The following LRRC58 variants were observed in gnomAD, a reference collection of about 807,000 sequenced individuals.
The protein encoded by LRRC58 is leucine-rich repeat-containing protein 58.
In LRRC58, 18 loss-of-function variants were observed where a neutral mutation model predicts 30.6. The observed-to-expected ratio is 0.59, with a 90% CI of 0.41 to 0.87. The LOEUF (loss-of-function observed/expected upper bound fraction) is 0.87. Among genes scored for constraint, LRRC58 ranks in the 40% least tolerant of loss-of-function variants. The pLI, the probability that LRRC58 is intolerant of heterozygous loss-of-function variation, is 0.00. For missense variants in LRRC58, 420 were observed against 468.4 expected (o/e 0.90, Z 0.95); for synonymous variants, 221 against 206.0 (o/e 1.07, Z -0.62).
intron 1 of LRRC58, among the ~76,000 whole-genome samples, chr3:120,346,724 C>G (rs560131559): frequency 6.6e-6 from 1 of 152,276 alleles, no homozygotes; most frequent in South Asian, 2.1e-4. Flanking sequence ...TTCTCGAAAT[C>G]TTCCATTTCT....
intron 3 of LRRC58, among the ~76,000 whole-genome samples, chr3:120,334,487 A>G (rs958938630): frequency 2.6e-5 from 4 of 151,412 alleles, no homozygotes; most frequent in African/African-American, 7.3e-5. Flanking sequence ...CAGCCTGGGC[A>G]ACAGAGCAAG....
At chr3:120,331,557 T>A (rs994524705) in intron 3 of LRRC58, 149 bp from the exon 4 acceptor site, 2 of 670,748 alleles carry the variant, frequency 3.0e-6, no homozygotes, top group Non-Finnish European at 5.2e-6. Context: ...TATAGCTGTC[T>A]ATAAGCCTAC....
chr3:120,346,194 T>C (rs1185914638), intron 1 of LRRC58, among the ~76,000 whole-genome samples: 2 of 152,000 alleles, frequency 1.3e-5, no homozygotes, highest in African/African-American at 2.4e-5. Context: ...GAGGCGGAGA[T>C]TGCAGTGAGC....
At chr3:120,344,164 TGTACAAAGAA>T (rs757853287) in intron 1 of LRRC58, among the ~76,000 whole-genome samples, 59 of 152,030 alleles carry the variant, frequency 3.9e-4, no homozygotes, top group Non-Finnish European at 4.3e-4. Context: ...AAGATAGGAA[TGTACAAAGAA>T]GTAGAAAACA....
intron 3 of LRRC58, among the ~76,000 whole-genome samples, chr3:120,331,631 G>A (rs1164931395): frequency 6.6e-6 from 1 of 152,130 alleles, no homozygotes; most frequent in East Asian, 1.9e-4. Flanking sequence ...CTTAAAGGGA[G>A]CAGGCACAGA....
rs1935703086 is a variant in LRRC58 at position 120,327,805 on chromosome 3, G to C, written c.*3395C>G. ...CTCTCACTCAGGCTGGAGTGCAGCG[G>C]AGTGATCTCAGATTACTGCAACCTC... On this transcript the variant is annotated 3_prime_UTR_variant, in exon 4 of 4. Transcript: ENST00000295628. The C allele has an allele frequency of 6.6e-6, 1 of 152,176 alleles. No homozygotes were observed. Among genetic ancestry groups the C allele is most frequent in the South Asian group, 2.1e-4 (1 of 4,828 alleles). The allele number at this position is 152,176 out of a possible 1,614,324, so 9.4% of individuals were successfully genotyped here. A position where few individuals can be genotyped will look rare whatever the true frequency, so the allele number is the denominator to read the frequency against.
rs10048964 is a variant in LRRC58 at position 120,349,308 on chromosome 3, G to C, written c.-65C>G. Reference sequence around the variant, plus strand: ...GCGCCGCGCGCGGTCCAGAGGCCGGGAGCTCTGCGGCGCCCCGGAACCTGA... The same window carrying C: ...GCGCCGCGCGCGGTCCAGAGGCCGGCAGCTCTGCGGCGCCCCGGAACCTGA... On this transcript the variant is annotated 5_prime_UTR_variant, in exon 1 of 4. Transcript: ENST00000295628. The C allele has an allele frequency of 0.11, 142,878 of 1,326,206 alleles. 8,020 individuals are homozygous for C. The highest frequency in any genetic ancestry group is 0.16 in the African/African-American group (10,127 of 64,738). 82.2% of individuals were successfully genotyped at this position (1,326,206 alleles called of 1,614,324 possible).
At chr3:120,348,684 G>A in intron 1 of LRRC58, 60 bp downstream of exon 1, 1 of 1,476,450 alleles carries the variant, frequency 6.8e-7, no homozygotes, top group Non-Finnish European at 9.0e-7. Flanking sequence ...CAGGCCCGGC[G>A]CCCCAGGGTT....
intron 1 of LRRC58, among the ~76,000 whole-genome samples, chr3:120,338,208 C>A (rs1243414832): frequency 1.3e-5 from 2 of 152,114 alleles, no homozygotes; most frequent in Admixed American, 1.3e-4. Context: ...ACACTGCTTA[C>A]CAGTTTTATT....
chr3:120,348,645 A>C, intron 1 of LRRC58, 99 bp downstream of exon 1: 6 of 1,347,546 alleles, frequency 4.5e-6, no homozygotes, highest in Non-Finnish European at 5.9e-6. Context: ...AAAGCTTGGA[A>C]ATAGTTACGT....
chr3:120,339,852 T>TA (rs796293396), intron 1 of LRRC58, among the ~76,000 whole-genome samples: 9 of 152,204 alleles, frequency 5.9e-5, no homozygotes, highest in African/African-American at 2.2e-4. Flanking sequence ...TCTTAACAGT[T>TA]TTTTAATTTT....
intron 1 of LRRC58, 29 bp downstream of exon 1, chr3:120,348,702 ACCGCCCGAGGCCT>A: frequency 6.7e-7 from 1 of 1,494,460 alleles, no homozygotes; most frequent in African/African-American, 1.4e-5. Flanking sequence ...GTTCCCGGAC[ACCGCCCGAGGCCT>A]CCCCACCCTC....
intron 1 of LRRC58, among the ~76,000 whole-genome samples, chr3:120,346,238 CAG>C (rs1935966780): frequency 6.6e-6 from 1 of 151,888 alleles, no homozygotes; most frequent in Non-Finnish European, 1.5e-5. Context: ...GCCTGGGCAA[CAG>C]AGTGAAACTC....
At position 120,330,017 on chromosome 3, in the gene LRRC58, T is replaced by A. The variant is rs1000068428; in HGVS notation, c.*1183A>T. 6.6e-6 allele frequency: 1 copy of A among 152,060 alleles called. No homozygotes were observed. Among genetic ancestry groups the A allele is most frequent in the African/African-American group, 2.4e-5 (1 of 41,458 alleles). The allele number at this position is 152,060 out of a possible 1,614,324, so 9.4% of individuals were successfully genotyped here. On this transcript the variant is annotated 3_prime_UTR_variant, in exon 4 of 4. Coordinates refer to ENST00000295628, the MANE Select transcript of LRRC58 (RefSeq NM_001099678.2). Reference sequence around the variant, plus strand: ...TACTTTATTTTCAAAAATGCTTCCATAGTTAAAGTAGTTCTGGAAACTGTT... The same window carrying A: ...TACTTTATTTTCAAAAATGCTTCCAAAGTTAAAGTAGTTCTGGAAACTGTT...
intron 1 of LRRC58, among the ~76,000 whole-genome samples, chr3:120,342,730 A>C (rs549260264): frequency 1.3e-5 from 2 of 152,342 alleles, no homozygotes; most frequent in South Asian, 2.1e-4. Flanking sequence ...GCAGGACAAG[A>C]ACTTGGGCAA....
rs1372355317 is a variant in LRRC58 at position 120,327,291 on chromosome 3, G to A, written c.*3909C>T. On this transcript the variant is annotated 3_prime_UTR_variant, in exon 4 of 4. Coordinates refer to ENST00000295628, the MANE Select transcript of LRRC58 (RefSeq NM_001099678.2). Reference sequence around the variant, plus strand: ...TTTTGAGACGGAGTCTCGCTCTGTGGCCCAGGCGGGAGTGCAGTGGCGCAA... The same window carrying A: ...TTTTGAGACGGAGTCTCGCTCTGTGACCCAGGCGGGAGTGCAGTGGCGCAA... The A allele has an allele frequency of 3.0e-5, 4 of 132,118 alleles. No individual in the cohort carries two copies. Among genetic ancestry groups the A allele is most frequent in the Non-Finnish European group, 6.2e-5 (4 of 64,834 alleles). The allele number at this position is 132,118 out of a possible 1,614,324, so 8.2% of individuals were successfully genotyped here.
chr3:120,333,301 A>C (rs1935784224), intron 3 of LRRC58, among the ~76,000 whole-genome samples: 1 of 152,208 alleles, frequency 6.6e-6, no homozygotes, highest in African/African-American at 2.4e-5. Flanking sequence ...GTAGAGGTCC[A>C]TTTCCAGAAA....
rs890880466 is a variant in LRRC58, at chr3:120,329,485, A to G, written c.*1715T>C. The G allele has an allele frequency of 6.6e-6, 1 of 152,126 alleles. No homozygotes were observed. The highest frequency in any genetic ancestry group is 2.4e-5 in the African/African-American group (1 of 41,464). 9.4% of individuals were successfully genotyped at this position (152,126 alleles called of 1,614,324 possible). ...AAGGAAAACAAAATCTTACTACATT[A>G]TAACAAGGTAAAGGTGAAGGGATTC... On this transcript the variant is annotated 3_prime_UTR_variant, in exon 4 of 4. Coordinates refer to ENST00000295628, the MANE Select transcript of LRRC58 (RefSeq NM_001099678.2).
intron 1 of LRRC58, among the ~76,000 whole-genome samples, chr3:120,338,742 AG>A (rs1283920062): frequency 4.6e-5 from 7 of 152,246 alleles, no homozygotes; most frequent in African/African-American, 1.7e-4. Context: ...TCAGAGAGGT[AG>A]CCTGGAAAGG....
Sources: gnomAD v4.1 joint callset for allele counts (sites outside exome capture counted in the v4.1 genomes callset) on GRCh38, gnomAD v4.1.1 for gene constraint, MANE v1.5 for transcripts, NCBI Gene and HGNC (gene_info 2026-07-23, HGNC 2026-07-21) for gene names.